Variants in SDK2 observed in about 807,000 individuals in gnomAD.
SDK2 encodes sidekick cell adhesion molecule 2.
A neutral mutation model predicts 253.9 loss-of-function variants in SDK2; 105 were observed. That is an observed-to-expected ratio of 0.41 (90% CI 0.35 to 0.49). The LOEUF (loss-of-function observed/expected upper bound fraction) is 0.49. Ranked by LOEUF, SDK2 falls within the 20% of genes least tolerant of loss-of-function variation. The pLI is 0.06. For missense variants in SDK2, 2,608 were observed against 3,003.0 expected, an observed-to-expected ratio of 0.87 and a Z score of 3.07; for synonymous variants, 1,249 against 1,234.9, an observed-to-expected ratio of 1.01 and a Z score of -0.24.
chr17:73,352,600 G>A lies in SDK2; in HGVS notation c.5631C>T (p.Pro1877=), dbSNP rs764248419. 13 of 1,613,892 alleles carry A rather than the reference G, an allele frequency of 8.1e-6. No homozygotes were observed. In the African/African-American group the frequency reaches 1.2e-4, roughly 15 times the overall value. ...TGAACGTGTAGGAGCTCACCTCCTT[G>A]GGGATGTCTTTGATGAGGATGTCCC... ...GLWDILIKDI[P]KEVSSYTFSM... The change falls in exon 41 of 45, where the codon CCC becomes CCT. Residue 1877 remains proline (P), a synonymous_variant. Transcript: ENST00000392650. This position sits in a 1 kb window ranked among gnomAD's most constrained non-coding sequence, Gnocchi z 4.1.
intron 16 of SDK2, among the ~76,000 whole-genome samples, chr17:73,418,010 G>T (rs1312251636): frequency 7.8e-6 from 1 of 128,232 alleles, no homozygotes; most frequent in Non-Finnish European, 1.6e-5. Context: ...TCCTAGATGA[G>T]TTTTTTTTTT....
chr17:73,621,203 G>A (rs1708182714), intron 1 of SDK2, among the ~76,000 whole-genome samples: 1 of 152,180 alleles, frequency 6.6e-6, no homozygotes, highest in Non-Finnish European at 1.5e-5. Flanking sequence ...TGTACTCAGG[G>A]CAGACTGCAA....
Position 73,437,948 on chromosome 17 carries a change from C to T in SDK2, c.916+16G>A, listed in dbSNP as rs1052230411. On this transcript the variant is annotated intron_variant, in intron 7 of 44. Coordinates refer to ENST00000392650, the MANE Select transcript of SDK2 (RefSeq NM_001144952.2). ...CTACCCCTCAGGGGAGCCCTAGCAG[C>T]CCCACCCTCTCTCACCCAGCACTGA... 4.5e-6 allele frequency: 7 copies of T among 1,555,938 alleles called. No individual in the cohort carries two copies. The East Asian group carries it at 9.7e-5, about 21-fold the overall frequency.
At chr17:73,623,987 T>C (rs1387410065) in intron 1 of SDK2, among the ~76,000 whole-genome samples, 5 of 152,148 alleles carry the variant, frequency 3.3e-5, no homozygotes, top group Admixed American at 2.0e-4. Flanking sequence ...CTCCGGGTTG[T>C]TTTTCCAGGA....
intron 1 of SDK2, among the ~76,000 whole-genome samples, chr17:73,580,502 C>T (rs540720572): frequency 2.0e-5 from 3 of 152,360 alleles, no homozygotes; most frequent in Admixed American, 6.5e-5. Context: ...GGGCTCACGC[C>T]GACCCAGGGC....
chr17:73,385,369 T>A (rs1271778358), intron 32 of SDK2, among the ~76,000 whole-genome samples: 1 of 152,154 alleles, frequency 6.6e-6, no homozygotes, highest in Non-Finnish European at 1.5e-5. Context: ...CATTTCTCTC[T>A]ACTTGCACAG....
chr17:73,587,815 TAA>T (rs573084299), intron 1 of SDK2, among the ~76,000 whole-genome samples: 54 of 152,244 alleles, frequency 3.5e-4, no homozygotes, highest in African/African-American at 1.1e-3. Flanking sequence ...CAGGTGCTTT[TAA>T]AGTCTTCTCA....
At chr17:73,483,605 GTATATATATGTATATATATGTATATGTA>G (rs1334223343) in intron 2 of SDK2, among the ~76,000 whole-genome samples, 3 of 132,320 alleles carry the variant, frequency 2.3e-5, no homozygotes, top group African/African-American at 8.7e-5. Context: ...ATATGTATGT[GTATATATATGTATATATATGTATATGTA>G]TATATATATG....
intron 1 of SDK2, among the ~76,000 whole-genome samples, chr17:73,576,917 C>G (rs2045465037): frequency 6.6e-6 from 1 of 152,180 alleles, no homozygotes; most frequent in South Asian, 2.1e-4. Flanking sequence ...ATTACCAAGG[C>G]CCCCAGGATG....
chr17:73,435,740 AG>A lies in SDK2; in HGVS notation c.1001-97del, dbSNP rs1018418943. 5.2e-6 allele frequency: 6 copies of A among 1,150,594 alleles called. No individual in the cohort carries two copies. In the African/African-American group the frequency reaches 9.3e-5, roughly 18 times the overall value. 71.3% of individuals were successfully genotyped at this position (1,150,594 alleles called of 1,614,324 possible). A position where few individuals can be genotyped will look rare whatever the true frequency, so the allele number is the denominator to read the frequency against. ...AGGAGGCCGGGCCCGGAAATCTGCGAGGGGGTCCCTGGTGAATCTTGGTGTC... is the reference window on the plus strand; with the variant it reads ...AGGAGGCCGGGCCCGGAAATCTGCGAGGGGTCCCTGGTGAATCTTGGTGTC... On this transcript the variant is annotated intron_variant, in intron 8 of 44. Transcript: ENST00000392650. The surrounding 1 kb of genome is among the most constrained non-coding windows in gnomAD (Gnocchi z 5.7).
intron 1 of SDK2, among the ~76,000 whole-genome samples, chr17:73,531,937 C>A (rs544554699): frequency 1.3e-5 from 2 of 152,288 alleles, no homozygotes; most frequent in Non-Finnish European, 2.9e-5. Flanking sequence ...GCCAGTCTAG[C>A]CCTAGAGTGG....
At chr17:73,550,114 G>A (rs1372298052) in intron 1 of SDK2, among the ~76,000 whole-genome samples, 1 of 152,154 alleles carries the variant, frequency 6.6e-6, no homozygotes, top group African/African-American at 2.4e-5. Context: ...CCCCTTTCCT[G>A]CATGGCAGGT....
chr17:73,570,287 C>T lies in SDK2; in HGVS notation c.65-62690G>A, dbSNP rs1200155384. On this transcript the variant is annotated intron_variant, in intron 1 of 44. Coordinates refer to ENST00000392650, the MANE Select transcript of SDK2 (RefSeq NM_001144952.2). The surrounding 1 kb of genome is among the most constrained non-coding windows in gnomAD (Gnocchi z 4.2). ...ACCACCCCATAGGAGTGGTAGACCC[C>T]GTCTACACCGGGTCCAGAAACCACA... 1.3e-5 allele frequency among the ~76,000 whole-genome samples: 2 copies of T among 152,048 alleles called. No homozygotes were observed. Among genetic ancestry groups the T allele is most frequent in the South Asian group, 2.1e-4 (1 of 4,820 alleles).
At position 73,392,892 on chromosome 17, in the gene SDK2, G is replaced by A. The variant is rs146704051; in HGVS notation, c.3898+668C>T. ...GCAAACAGGACCAGGAGGTTCGTGC[G>A]TCCAGGAAAAATACTTTCACAGACC... On this transcript the variant is annotated intron_variant, in intron 27 of 44. Coordinates refer to ENST00000392650, the MANE Select transcript of SDK2 (RefSeq NM_001144952.2). Among the ~76,000 whole-genome samples the A allele has an allele frequency of 2.1e-3, 312 of 152,108 alleles. 1 individual carries two copies. Among genetic ancestry groups the A allele is most frequent in the African/African-American group, 6.9e-3 (288 of 41,482 alleles).
intron 2 of SDK2, among the ~76,000 whole-genome samples, chr17:73,475,023 G>A (rs908544043): frequency 2.6e-5 from 4 of 152,244 alleles, no homozygotes; most frequent in Admixed American, 6.5e-5. Context: ...GAGGGGGAGG[G>A]GAAAGTATAC....
intron 14 of SDK2, 62 bp from the exon 15 acceptor site, chr17:73,422,496 C>T (rs2063241116): frequency 1.3e-6 from 2 of 1,561,762 alleles, no homozygotes; most frequent in Non-Finnish European, 1.8e-6. Context: ...ATGCTTCTTA[C>T]TCCCCACTCC....
chr17:73,371,763 C>A (rs1466006598), intron 36 of SDK2, among the ~76,000 whole-genome samples: 1 of 152,010 alleles, frequency 6.6e-6, no homozygotes, highest in East Asian at 1.9e-4. Context: ...AGTTTGAGAC[C>A]AGCCTGGCCA....
chr17:73,366,856 C>T (rs181310234), intron 37 of SDK2, among the ~76,000 whole-genome samples: 11 of 152,266 alleles, frequency 7.2e-5, no homozygotes, highest in African/African-American at 2.2e-4. Context: ...CGCCACCCTT[C>T]AGCCTCCCGA....
At chr17:73,515,892 G>A (rs1176524566) in intron 1 of SDK2, among the ~76,000 whole-genome samples, 2 of 152,220 alleles carry the variant, frequency 1.3e-5, no homozygotes, top group Non-Finnish European at 2.9e-5. Flanking sequence ...GAGCCTGCAG[G>A]AGGATCAAAT....
Sources: allele counts gnomAD v4.1 joint callset (sites outside exome capture counted in the v4.1 genomes callset), GRCh38; gene constraint gnomAD v4.1.1; non-coding constraint Gnocchi (gnomAD v3.1); transcripts MANE v1.5; gene names NCBI Gene and HGNC (gene_info 2026-07-23, HGNC 2026-07-21).